ADARB2: variants seen among roughly 807,000 people sequenced by gnomAD.
ADARB2 encodes the protein adenosine deaminase RNA specific B2 (inactive), also known as inactive double-stranded RNA-specific editase B2.
ADARB2 carries 25 observed loss-of-function variants against 62.2 expected under a neutral mutation model. The observed-to-expected ratio is 0.40, with a 90% confidence interval of 0.29 to 0.56. The LOEUF (loss-of-function observed/expected upper bound fraction) is 0.56. Ranked by LOEUF, ADARB2 falls within the 20% of genes least tolerant of loss-of-function variation. The probability of loss-of-function intolerance (pLI) is 0.43; values close to 1 mark genes in which losing one functional copy is unlikely to be tolerated. For synonymous variants in ADARB2, 572 were observed against 500.8 expected (o/e 1.14, Z -1.90); for missense variants, 1,071 against 1,077.4 (o/e 0.99, Z 0.08).
chr10:1,492,838 A>C (rs1450114965), intron 1 of ADARB2, among the ~76,000 whole-genome samples: 3 of 151,782 alleles, frequency 2.0e-5, no homozygotes, highest in Non-Finnish European at 4.4e-5. Context: ...TTGTAGGGGG[A>C]GGTGATGTGC....
intron 1 of ADARB2, among the ~76,000 whole-genome samples, chr10:1,533,128 T>G (rs1010584235): frequency 2.0e-5 from 3 of 151,694 alleles, no homozygotes; most frequent in African/African-American, 4.8e-5. Context: ...CCTTTTTTTT[T>G]TTTTTTCTGA....
chr10:1,586,066 C>T (rs1833177055), intron 1 of ADARB2, among the ~76,000 whole-genome samples: 1 of 152,004 alleles, frequency 6.6e-6, no homozygotes, highest in African/African-American at 2.4e-5. Context: ...CAAAAAACAC[C>T]CCAAAACCAA....
chr10:1,224,727 T>G (rs1406903047), intron 6 of ADARB2, among the ~76,000 whole-genome samples: 1 of 152,234 alleles, frequency 6.6e-6, no homozygotes, highest in Non-Finnish European at 1.5e-5. Flanking sequence ...TCCACGTAGT[T>G]GAGTGGTTTT....
At chr10:1,681,068 G>A (rs552814061) in intron 1 of ADARB2, among the ~76,000 whole-genome samples, 20 of 152,268 alleles carry the variant, frequency 1.3e-4, no homozygotes, top group South Asian at 2.1e-4. Context: ...AGTGGGAAGC[G>A]TCAGGTTTGA....
chr10:1,350,175 G>A (rs1832122279), intron 3 of ADARB2, among the ~76,000 whole-genome samples: 1 of 152,144 alleles, frequency 6.6e-6, no homozygotes, highest in Admixed American at 6.5e-5. Flanking sequence ...CATCCTACAA[G>A]ATCTAAATAA....
intron 1 of ADARB2, among the ~76,000 whole-genome samples, chr10:1,422,956 A>G (rs553321299): frequency 2.0e-5 from 3 of 151,926 alleles, no homozygotes; most frequent in African/African-American, 7.2e-5. Flanking sequence ...AGTGGCACCC[A>G]CCTGTCTGGT....
chr10:1,216,611 C>G, intron 7 of ADARB2: 1 of 332,050 alleles, frequency 3.0e-6, no homozygotes, highest in East Asian at 7.3e-5. Flanking sequence ...TTCTCGTTAG[C>G]CTATGGCCAC....
intron 1 of ADARB2, among the ~76,000 whole-genome samples, chr10:1,499,301 A>G (rs1230712376): frequency 2.0e-5 from 3 of 151,692 alleles, no homozygotes; most frequent in Non-Finnish European, 4.4e-5. Context: ...ACATTCATTC[A>G]TTACTCATCA....
intron 3 of ADARB2, among the ~76,000 whole-genome samples, chr10:1,286,792 A>G (rs1051018758): frequency 6.6e-5 from 10 of 152,152 alleles, no homozygotes; most frequent in Non-Finnish European, 1.5e-4. Context: ...CCGTAGGAAC[A>G]GTGCTGGTGT....
chr10:1,627,579 A>G (rs1336234305), intron 1 of ADARB2, among the ~76,000 whole-genome samples: 4 of 152,168 alleles, frequency 2.6e-5, no homozygotes, highest in Non-Finnish European at 4.4e-5. Context: ...CTACACAGCC[A>G]TGGCCATGAC....
In ADARB2 at chr10:1,182,945, A is replaced by C; in HGVS notation, c.*248T>G. The C allele has an allele frequency of 2.1e-6, 1 of 478,298 alleles. No individual in the cohort carries two copies. The highest frequency in any genetic ancestry group is 3.8e-6 in the Non-Finnish European group (1 of 266,604). 29.6% of individuals were successfully genotyped at this position (478,298 alleles called of 1,614,324 possible). A position where few individuals can be genotyped will look rare whatever the true frequency, so the allele number is the denominator to read the frequency against. On this transcript the variant is annotated 3_prime_UTR_variant, in exon 10 of 10. Transcript: ENST00000381312. The stretch of plus-strand genomic sequence containing the variant: ...AGCCCCTCCCTCAGACTCCACAGGA[A>C]GAGTCGGCGCTAACTCAACAGTGCA...
intron 1 of ADARB2, among the ~76,000 whole-genome samples, chr10:1,551,396 G>A (rs918726211): frequency 6.6e-6 from 1 of 152,162 alleles, no homozygotes; most frequent in Non-Finnish European, 1.5e-5. Flanking sequence ...TGTTGTCCGG[G>A]CTGCCACAGT....
At chr10:1,515,549 G>C (rs912283499) in intron 1 of ADARB2, among the ~76,000 whole-genome samples, 2 of 152,214 alleles carry the variant, frequency 1.3e-5, no homozygotes, top group Non-Finnish European at 2.9e-5. Flanking sequence ...AGCTGAAGGC[G>C]TGGGAAAACC....
intron 6 of ADARB2, among the ~76,000 whole-genome samples, chr10:1,219,394 C>A (rs976208431): frequency 3.3e-5 from 5 of 152,244 alleles, no homozygotes; most frequent in Admixed American, 2.6e-4. Context: ...GACATTCTTT[C>A]ACTATACATT....
At chr10:1,619,623 T>C (rs1833684567) in intron 1 of ADARB2, among the ~76,000 whole-genome samples, 1 of 152,266 alleles carries the variant, frequency 6.6e-6, no homozygotes, top group Admixed American at 6.5e-5. Context: ...AGCTAATTTT[T>C]ATATTTTTAG....
chr10:1,652,124 TAGG>T (rs886309270), intron 1 of ADARB2, among the ~76,000 whole-genome samples: 1 of 152,206 alleles, frequency 6.6e-6, no homozygotes, highest in African/African-American at 2.4e-5. Context: ...TTTGATGTTC[TAGG>T]AGGTCACACA....
intron 1 of ADARB2, among the ~76,000 whole-genome samples, chr10:1,576,137 A>AGGGGGCTC (rs1564335626): frequency 3.0e-4 from 4 of 13,470 alleles, no homozygotes; most frequent in African/African-American, 1.5e-3. Flanking sequence ...CCAGGGTCAC[A>AGGGGGCTC]AGAGGGGGGT....
chr10:1,585,308 C>G (rs1259699621), intron 1 of ADARB2, among the ~76,000 whole-genome samples: 1 of 152,046 alleles, frequency 6.6e-6, no homozygotes, highest in Non-Finnish European at 1.5e-5. Flanking sequence ...AATCGCTAAG[C>G]CAAAGGGAAA....
chr10:1,218,438 GATT>G (rs1830652838), intron 6 of ADARB2, among the ~76,000 whole-genome samples: 2 of 152,196 alleles, frequency 1.3e-5, no homozygotes, highest in South Asian at 2.1e-4. Context: ...ATAGTATAGT[GATT>G]ATATCATTTA....
Sources: allele counts gnomAD v4.1 joint callset (sites outside exome capture counted in the v4.1 genomes callset), GRCh38; gene constraint gnomAD v4.1.1; transcripts MANE v1.5; gene names NCBI Gene and HGNC (gene_info 2026-07-23, HGNC 2026-07-21).